Variants in NELL1 observed in about 807,000 individuals in gnomAD.
NELL1 encodes the protein neural EGFL like 1, also known as protein kinase C-binding protein NELL1.
NELL1 carries 76 observed loss-of-function variants against 107.4 expected under a neutral mutation model. The ratio of observed to expected loss-of-function variants is 0.71; its 90% confidence interval spans 0.59 to 0.86. NELL1 has a LOEUF of 0.86. Ranked by LOEUF, NELL1 falls within the 40% of genes least tolerant of loss-of-function variation. The pLI is 0.00. For missense variants in NELL1, 1,024 were observed against 1,005.5 expected (o/e 1.02, Z -0.25); for synonymous variants, 353 against 341.2 (o/e 1.03, Z -0.38).
chr11:20,994,369 T>G (rs1852044037), intron 12 of NELL1, among the ~76,000 whole-genome samples: 1 of 152,236 alleles, frequency 6.6e-6, no homozygotes, highest in African/African-American at 2.4e-5. Flanking sequence ...ACATAACAGT[T>G]AGAAATATCT....
At chr11:21,179,902 A>G (rs1856793875) in intron 13 of NELL1, among the ~76,000 whole-genome samples, 1 of 119,104 alleles carries the variant, frequency 8.4e-6, no homozygotes, top group Non-Finnish European at 1.6e-5. Context: ...AGGTCTAGCA[A>G]GTAAATATTT....
At chr11:21,416,466 A>C (rs1784539761) in intron 15 of NELL1, among the ~76,000 whole-genome samples, 1 of 152,124 alleles carries the variant, frequency 6.6e-6, no homozygotes, top group South Asian at 2.1e-4. Context: ...ACTAAGGAAA[A>C]TGAGGAGAAA....
Position 20,771,943 on chromosome 11 carries a change from C to T in NELL1, c.185-11737C>T, listed in dbSNP as rs77527157. 2.8e-3 allele frequency among the ~76,000 whole-genome samples: 427 copies of T among 152,284 alleles called. 1 individual carries two copies. Among genetic ancestry groups the T allele is most frequent in the African/African-American group, 9.9e-3 (410 of 41,568 alleles). On this transcript the variant is annotated intron_variant, in intron 2 of 19. Transcript: ENST00000357134. Reference sequence around the variant, plus strand: ...ATTAAAATCACTGTGCCTTTCAATGCAGGCAGATTTTTATTCTTGAAAAAC... The same window carrying T: ...ATTAAAATCACTGTGCCTTTCAATGTAGGCAGATTTTTATTCTTGAAAAAC...
chr11:20,675,398 C>T (rs1424361089), intron 1 of NELL1, among the ~76,000 whole-genome samples: 1 of 152,100 alleles, frequency 6.6e-6, no homozygotes, highest in Non-Finnish European at 1.5e-5. Flanking sequence ...TCATACTATC[C>T]CCAGATATGC....
chr11:20,767,009 G>C (rs1229650847), intron 2 of NELL1, among the ~76,000 whole-genome samples: 1 of 152,182 alleles, frequency 6.6e-6, no homozygotes, highest in Non-Finnish European at 1.5e-5. Context: ...CTCCCAGACT[G>C]CTGGGATTAC....
At chr11:21,172,922 C>CTGTGTGTG (rs151155423) in intron 13 of NELL1, among the ~76,000 whole-genome samples, 1 of 149,126 alleles carries the variant, frequency 6.7e-6, no homozygotes, top group South Asian at 2.1e-4. Flanking sequence ...GTGTGTCTGT[C>CTGTGTGTG]TGTGTGTGTG....
intron 10 of NELL1, among the ~76,000 whole-genome samples, chr11:20,945,798 C>T (rs749620199): frequency 2.0e-5 from 3 of 152,122 alleles, no homozygotes; most frequent in Non-Finnish European, 4.4e-5. Context: ...TAGATACCAC[C>T]CATCATGGTC....
At chr11:21,329,800 G>A (rs1222362326) in intron 14 of NELL1, among the ~76,000 whole-genome samples, 1 of 151,918 alleles carries the variant, frequency 6.6e-6, no homozygotes, top group East Asian at 1.9e-4. Flanking sequence ...GAGAATCTAT[G>A]TCAGATTAAT....
At position 21,575,034 on chromosome 11, in the gene NELL1, T is replaced by C. The variant is rs749378822; in HGVS notation, c.*12T>C. 9.4e-6 allele frequency: 15 copies of C among 1,602,220 alleles called. 1 individual carries two copies. In the South Asian group the frequency reaches 1.2e-4, roughly 13 times the overall value. The stretch of plus-strand genomic sequence containing the variant: ...TTCAAAATAATTGAAGTATTTACAG[T>C]GGACTCAACGCAGAAGAATGGACGA... On this transcript the variant is annotated 3_prime_UTR_variant, in exon 20 of 20. Transcript: ENST00000357134.
intron 15 of NELL1, among the ~76,000 whole-genome samples, chr11:21,401,776 C>A (rs1434327812): frequency 6.6e-6 from 1 of 151,746 alleles, no homozygotes; most frequent in Non-Finnish European, 1.5e-5. Context: ...TCAAGCCAGG[C>A]ATCCTGGATA....
chr11:21,191,006 A>G (rs572868549), intron 13 of NELL1, among the ~76,000 whole-genome samples: 1 of 151,890 alleles, frequency 6.6e-6, no homozygotes, highest in South Asian at 2.1e-4. Context: ...GTGGTTTGAG[A>G]GCATGGGTGG....
At chr11:21,456,068 T>C (rs1312265656) in intron 15 of NELL1, among the ~76,000 whole-genome samples, 1 of 151,996 alleles carries the variant, frequency 6.6e-6, no homozygotes, top group Non-Finnish European at 1.5e-5. Context: ...ATTATTTGTA[T>C]TTTTTATACA....
chr11:21,312,323 T>C (rs896574599), intron 14 of NELL1, among the ~76,000 whole-genome samples: 1 of 142,826 alleles, frequency 7.0e-6, no homozygotes, highest in African/African-American at 2.6e-5. Flanking sequence ...TTCCAGTGTA[T>C]GATGGCTCTT....
At chr11:20,807,080 G>A (rs1380987389) in intron 3 of NELL1, among the ~76,000 whole-genome samples, 2 of 150,778 alleles carry the variant, frequency 1.3e-5, no homozygotes, top group Non-Finnish European at 3.0e-5. Context: ...TTGGGGTCAT[G>A]TTTTCATGGA....
At chr11:21,552,550 G>A (rs1856617286) in intron 16 of NELL1, among the ~76,000 whole-genome samples, 1 of 151,794 alleles carries the variant, frequency 6.6e-6, no homozygotes, top group Non-Finnish European at 1.5e-5. Context: ...CCAAAGTCTA[G>A]AGCAGTGGAC....
At chr11:21,135,258 T>C (rs906653097) in intron 13 of NELL1, among the ~76,000 whole-genome samples, 1 of 152,196 alleles carries the variant, frequency 6.6e-6, no homozygotes, top group African/African-American at 2.4e-5. Context: ...CCTTGCATTT[T>C]AGGAAGGAAA....
Position 21,565,651 on chromosome 11 carries a change from C to T in NELL1, c.1981-5113C>T, listed in dbSNP as rs115311964. Among the ~76,000 whole-genome samples the T allele has an allele frequency of 4.7e-3, 711 of 152,016 alleles. 7 individuals are homozygous for T. The highest frequency in any genetic ancestry group is 0.016 in the African/African-American group (683 of 41,518). The stretch of plus-strand genomic sequence containing the variant: ...AAATTAGTTTTTCCTATCCCCTAGC[C>T]TCCTCACGATACAAAAGGTGCATCA... On this transcript the variant is annotated intron_variant, in intron 17 of 19. Coordinates refer to ENST00000357134, the MANE Select transcript of NELL1 (RefSeq NM_006157.5).
At chr11:21,203,221 T>C (rs1358561096) in intron 13 of NELL1, among the ~76,000 whole-genome samples, 10 of 152,104 alleles carry the variant, frequency 6.6e-5, no homozygotes, top group Admixed American at 6.5e-4. Flanking sequence ...GACAGTGAGG[T>C]GTTAAAGTCT....
intron 14 of NELL1, among the ~76,000 whole-genome samples, chr11:21,316,398 T>G (rs1020549242): frequency 6.6e-6 from 1 of 152,184 alleles, no homozygotes; most frequent in Non-Finnish European, 1.5e-5. Context: ...TGAAAACACT[T>G]AAAAAGAAGG....
Sources: gnomAD v4.1 joint callset for allele counts (sites outside exome capture counted in the v4.1 genomes callset) on GRCh38, gnomAD v4.1.1 for gene constraint, MANE v1.5 for transcripts, NCBI Gene and HGNC (gene_info 2026-07-23, HGNC 2026-07-21) for gene names.